STK4: variants seen among roughly 807,000 people sequenced by gnomAD.
STK4 encodes the protein serine/threonine kinase 4.
In STK4, 30 loss-of-function variants were observed where a neutral mutation model predicts 64.9. The observed-to-expected ratio is 0.46, with a 90% CI of 0.35 to 0.63. The LOEUF is 0.63. Among genes scored for constraint, STK4 ranks in the 20% least tolerant of loss-of-function variants. The pLI is 0.01. For missense variants in STK4, 466 were observed against 598.5 expected, an observed-to-expected ratio of 0.78 and a Z score of 2.31; for synonymous variants, 177 against 199.0, an observed-to-expected ratio of 0.89 and a Z score of 0.93.
rs185900440 is a variant in STK4 at position 45,056,743 on chromosome 20, G to A, written c.1306-18275G>A. Among the ~76,000 whole-genome samples the A allele has an allele frequency of 4.2e-3, 641 of 152,222 alleles. 2 individuals are homozygous for A. Among genetic ancestry groups the A allele is most frequent in the African/African-American group, 0.015 (622 of 41,510 alleles). On this transcript the variant is annotated intron_variant, in intron 10 of 10. Transcript: ENST00000372806. The stretch of plus-strand genomic sequence containing the variant: ...GAAACCACACAGTAGATTAAAGAGG[G>A]GAAATTTAATATAATAAGTATTACC...
At chr20:45,065,973 T>A (rs1979529407) in intron 10 of STK4, among the ~76,000 whole-genome samples, 1 of 152,108 alleles carries the variant, frequency 6.6e-6, no homozygotes, top group South Asian at 2.1e-4. Context: ...ACCCTTATTT[T>A]ACTTAATAAT....
intron 10 of STK4, among the ~76,000 whole-genome samples, chr20:45,028,188 G>GT (rs1306691537): frequency 1.3e-5 from 2 of 152,070 alleles, no homozygotes; most frequent in African/African-American, 4.8e-5. Flanking sequence ...CCTCTATACT[G>GT]TTTTTTATAA....
In STK4 at chr20:44,981,280, G is replaced by A. The variant is rs1195663134; in HGVS notation, c.246-549G>A. On this transcript the variant is annotated intron_variant, in intron 3 of 10. Coordinates refer to ENST00000372806, the MANE Select transcript of STK4 (RefSeq NM_006282.5). ...AACAATTTTCCTGCCTCAGCCTCCC[G>A]AGTAGCAGGGACTACAGGTGCACAC... Among the ~76,000 whole-genome samples, 5 of 151,882 alleles carry A rather than the reference G, an allele frequency of 3.3e-5. 1 individual carries two copies. In the South Asian group the frequency reaches 8.3e-4, roughly 25 times the overall value.
intron 2 of STK4, 87 bp downstream of exon 2, chr20:44,972,245 A>G: frequency 8.1e-7 from 1 of 1,228,566 alleles, no homozygotes. Flanking sequence ...ACCTTTCAGC[A>G]TTGTTCTAGG....
chr20:44,982,845 A>G (rs999740227), intron 4 of STK4, among the ~76,000 whole-genome samples: 5 of 148,908 alleles, frequency 3.4e-5, no homozygotes, highest in Non-Finnish European at 7.4e-5. Flanking sequence ...TAGGGCAACA[A>G]AAGCAAATTA....
At chr20:44,982,497 C>G (rs551410398) in intron 4 of STK4, among the ~76,000 whole-genome samples, 6 of 152,138 alleles carry the variant, frequency 3.9e-5, no homozygotes, top group African/African-American at 1.4e-4. Context: ...TTATTTCTTA[C>G]TGGGAAGAAA....
intron 6 of STK4, among the ~76,000 whole-genome samples, chr20:44,995,629 A>AAG (rs1555809972): frequency 2.6e-5 from 4 of 150,994 alleles, no homozygotes; most frequent in African/African-American, 9.8e-5. Context: ...AAAAAAAAAA[A>AAG]GTTCAATGGC....
At chr20:45,002,584 A>T (rs1459805313) in intron 9 of STK4, among the ~76,000 whole-genome samples, 1 of 152,194 alleles carries the variant, frequency 6.6e-6, no homozygotes, top group African/African-American at 2.4e-5. Flanking sequence ...TGAGATTTTT[A>T]AAAATTCCTT....
At chr20:44,976,562 G>A (rs531641591) in intron 2 of STK4, among the ~76,000 whole-genome samples, 102 of 152,314 alleles carry the variant, frequency 6.7e-4, no homozygotes, top group Non-Finnish European at 1.2e-3. Context: ...CACAGTCGAT[G>A]TTGGAACACT....
chr20:44,970,889 T>TTGTGTGTGTGTGTG (rs60332680), intron 1 of STK4, among the ~76,000 whole-genome samples: 1 of 148,052 alleles, frequency 6.8e-6, no homozygotes, highest in African/African-American at 2.5e-5. Context: ...AGGTACACAT[T>TTGTGTGTGTGTGTG]TGTGTGTGTG....
intron 10 of STK4, among the ~76,000 whole-genome samples, chr20:45,028,405 C>T (rs899100882): frequency 2.6e-5 from 4 of 151,374 alleles, no homozygotes; most frequent in Non-Finnish European, 5.9e-5. Context: ...TAGCTCACTA[C>T]AGCTTCAAAC....
In STK4 at chr20:45,056,915, T is replaced by C. The variant is rs141859591; in HGVS notation, c.1306-18103T>C. On this transcript the variant is annotated intron_variant, in intron 10 of 10. Coordinates refer to ENST00000372806, the MANE Select transcript of STK4 (RefSeq NM_006282.5). ...CAGCCCATGGAATCACAGAGGAGTTTGCTGGTTTGACAAGACTGGAGCTGA... is the reference window on the plus strand; with the variant it reads ...CAGCCCATGGAATCACAGAGGAGTTCGCTGGTTTGACAAGACTGGAGCTGA... 2.6e-3 allele frequency among the ~76,000 whole-genome samples: 391 copies of C among 152,312 alleles called. 2 individuals carry two copies. The highest frequency in any genetic ancestry group is 7.4e-3 in the African/African-American group (308 of 41,570).
At chr20:45,059,669 A>C (rs1409563990) in intron 10 of STK4, among the ~76,000 whole-genome samples, 1 of 152,150 alleles carries the variant, frequency 6.6e-6, no homozygotes, top group Non-Finnish European at 1.5e-5. Context: ...ATATTTTCAG[A>C]CTTTGGTTGA....
intron 3 of STK4, among the ~76,000 whole-genome samples, chr20:44,980,081 G>A (rs1233072341): frequency 6.6e-6 from 1 of 152,140 alleles, no homozygotes; most frequent in African/African-American, 2.4e-5. Context: ...GGAGTTTATA[G>A]ACTAATTGGA....
At chr20:44,994,385 C>T (rs1305309167) in intron 5 of STK4, among the ~76,000 whole-genome samples, 2 of 150,750 alleles carry the variant, frequency 1.3e-5, no homozygotes, top group African/African-American at 4.9e-5. Flanking sequence ...TATATATTTT[C>T]CTTTTACAAA....
At chr20:45,027,359 G>A (rs2068369055) in intron 10 of STK4, among the ~76,000 whole-genome samples, 1 of 150,884 alleles carries the variant, frequency 6.6e-6, no homozygotes, top group Non-Finnish European at 1.5e-5. Context: ...GAACCCAGGA[G>A]GTGGAGGTTG....
At chr20:45,011,619 A>G (rs2068044493) in intron 9 of STK4, among the ~76,000 whole-genome samples, 1 of 150,808 alleles carries the variant, frequency 6.6e-6, no homozygotes, top group South Asian at 2.1e-4. Context: ...ATCAGCTAAA[A>G]TGGCCTTACT....
chr20:45,035,725 C>A (rs2068517159), intron 10 of STK4, among the ~76,000 whole-genome samples: 1 of 152,094 alleles, frequency 6.6e-6, no homozygotes, highest in South Asian at 2.1e-4. Flanking sequence ...AGTTAGCACA[C>A]CATTTCAAAT....
At chr20:45,030,042 A>G (rs898765905) in intron 10 of STK4, among the ~76,000 whole-genome samples, 1 of 152,010 alleles carries the variant, frequency 6.6e-6, no homozygotes, top group Non-Finnish European at 1.5e-5. Context: ...AAAGTTCTGA[A>G]TAATCTCCTG....
Sources: allele counts gnomAD v4.1 joint callset (sites outside exome capture counted in the v4.1 genomes callset), GRCh38; gene constraint gnomAD v4.1.1; transcripts MANE v1.5; gene names NCBI Gene and HGNC (gene_info 2026-07-23, HGNC 2026-07-21).